MIPEP: variants seen among roughly 807,000 people sequenced by gnomAD.
MIPEP encodes the protein mitochondrial intermediate peptidase.
A neutral mutation model predicts 90.3 loss-of-function variants in MIPEP; 79 were observed. The ratio of observed to expected loss-of-function variants is 0.87; its 90% confidence interval spans 0.73 to 1.05. The LOEUF is 1.05. MIPEP is among the 50% of genes least tolerant of loss of function. The pLI is 0.00. For synonymous variants in MIPEP, 334 were observed against 315.8 expected, an observed-to-expected ratio of 1.06 and a Z score of -0.61; for missense variants, 940 against 905.6, an observed-to-expected ratio of 1.04 and a Z score of -0.49.
intron 14 of MIPEP, among the ~76,000 whole-genome samples, chr13:23,831,807 G>A (rs1270632785): frequency 6.6e-6 from 1 of 152,148 alleles, no homozygotes; most frequent in East Asian, 1.9e-4. Flanking sequence ...ATAAGTTTTG[G>A]TGGAGCAAAC....
rs1300419963 is a variant in MIPEP, at chr13:23,808,343, C to T, written c.1728+1507G>A. ...CTCGATCTCCTGATCTCGTGATCCG[C>T]CCGCCTCGGCCTCCCAACGTGCTGG... On this transcript the variant is annotated intron_variant, in intron 15 of 18. Transcript: ENST00000382172. 2.6e-5 allele frequency among the ~76,000 whole-genome samples: 4 copies of T among 152,248 alleles called. 1 individual carries two copies. In the East Asian group the frequency reaches 5.8e-4, roughly 22 times the overall value.
At chr13:23,791,034 A>G (rs768405407) in intron 16 of MIPEP, among the ~76,000 whole-genome samples, 2 of 152,024 alleles carry the variant, frequency 1.3e-5, no homozygotes, top group Admixed American at 6.6e-5. Context: ...CTAACTCTCT[A>G]GTACCCTATC....
chr13:23,823,712 T>A (rs12867095), intron 14 of MIPEP, among the ~76,000 whole-genome samples: 28,946 of 151,986 alleles, frequency 0.19, 3,197 homozygotes, highest in Non-Finnish European at 0.25. Flanking sequence ...CCTGTAGTCC[T>A]AGCTACTTGG....
intron 18 of MIPEP, among the ~76,000 whole-genome samples, chr13:23,740,580 T>C (rs371554133): frequency 5.0e-4 from 76 of 152,334 alleles, no homozygotes; most frequent in African/African-American, 1.7e-3. Context: ...ATCTTTTTGT[T>C]TGATCAAAGA....
chr13:23,757,117 A>G (rs1952497493), intron 17 of MIPEP, among the ~76,000 whole-genome samples: 1 of 152,114 alleles, frequency 6.6e-6, no homozygotes. Context: ...GGGAGCCCTG[A>G]GCTTGTTTTT....
At chr13:23,751,090 G>A (rs772769591) in intron 18 of MIPEP, among the ~76,000 whole-genome samples, 18 of 152,212 alleles carry the variant, frequency 1.2e-4, no homozygotes, top group Non-Finnish European at 2.2e-4. Context: ...GATGTGCTCC[G>A]TGCTGCTGGA....
intron 18 of MIPEP, among the ~76,000 whole-genome samples, chr13:23,755,615 T>A (rs1460314120): frequency 2.0e-5 from 3 of 152,240 alleles, no homozygotes; most frequent in Non-Finnish European, 4.4e-5. Flanking sequence ...ATTGCAATTA[T>A]CTAGTAACAT....
intron 16 of MIPEP, among the ~76,000 whole-genome samples, chr13:23,805,734 G>A (rs1953099974): frequency 6.6e-6 from 1 of 151,970 alleles, no homozygotes. Context: ...TTTCCAAAAA[G>A]GTACAAAAAC....
intron 18 of MIPEP, among the ~76,000 whole-genome samples, chr13:23,739,510 A>T (rs764475897): frequency 1.3e-5 from 2 of 152,232 alleles, no homozygotes; most frequent in Non-Finnish European, 2.9e-5. Flanking sequence ...ATAGAACCCA[A>T]CCTCAGTCAG....
chr13:23,861,464 T>C (rs1314573136), intron 9 of MIPEP, among the ~76,000 whole-genome samples: 1 of 152,124 alleles, frequency 6.6e-6, no homozygotes, highest in Non-Finnish European at 1.5e-5. Context: ...TTCCATAAAT[T>C]AACAGACTGA....
intron 13 of MIPEP, among the ~76,000 whole-genome samples, 187 bp downstream of exon 13, chr13:23,837,365 C>A (rs1664066392): frequency 6.6e-6 from 1 of 152,058 alleles, no homozygotes; most frequent in Non-Finnish European, 1.5e-5. Context: ...TGTTAGCAAG[C>A]ATGGAAAAAA....
intron 1 of MIPEP, chr13:23,888,738 C>A: frequency 9.8e-7 from 1 of 1,017,510 alleles, no homozygotes; most frequent in Non-Finnish European, 1.2e-6. Context: ...CGCCTGTGAA[C>A]GCACAGGGAT....
At chr13:23,787,371 G>C (rs1370636588) in intron 16 of MIPEP, among the ~76,000 whole-genome samples, 1 of 150,560 alleles carries the variant, frequency 6.6e-6, no homozygotes, top group Non-Finnish European at 1.5e-5. Context: ...GGTAGGGTGG[G>C]GGGAGAGAGA....
intron 16 of MIPEP, among the ~76,000 whole-genome samples, chr13:23,778,713 C>CAATAAT (rs10687980): frequency 0.51 from 77,012 of 150,812 alleles, 20,820 homozygotes; most frequent in East Asian, 0.76. Context: ...ATTATACTGA[C>CAATAAT]AATAATAATA....
intron 10 of MIPEP, among the ~76,000 whole-genome samples, chr13:23,853,307 G>GT (rs1177180315): frequency 6.6e-6 from 1 of 152,080 alleles, no homozygotes; most frequent in Admixed American, 6.6e-5. Flanking sequence ...TCCATTTGTG[G>GT]TAAGAGCCCT....
chr13:23,888,999 G>T, intron 1 of MIPEP, 133 bp downstream of exon 1: 1 of 832,230 alleles, frequency 1.2e-6, no homozygotes, highest in Non-Finnish European at 1.7e-6. Context: ...CACACAAGAC[G>T]CCACTGTAAA....
intron 2 of MIPEP, 152 bp from the exon 3 acceptor site, chr13:23,881,939 A>C: frequency 1.7e-6 from 1 of 602,672 alleles, no homozygotes; most frequent in South Asian, 2.2e-5. Context: ...GAGTAAAGCA[A>C]AGCAGCTTCT....
At chr13:23,811,963 G>C (rs1018399141) in intron 14 of MIPEP, among the ~76,000 whole-genome samples, 6 of 152,030 alleles carry the variant, frequency 3.9e-5, no homozygotes, top group Non-Finnish European at 8.8e-5. Flanking sequence ...ACTGTTTGTT[G>C]CAACATTTGC....
chr13:23,832,047 T>G (rs994501227), intron 14 of MIPEP, among the ~76,000 whole-genome samples: 1 of 152,130 alleles, frequency 6.6e-6, no homozygotes, highest in Non-Finnish European at 1.5e-5. Flanking sequence ...ATGTTGAAAT[T>G]TAAGCCCCAA....
Sources: gnomAD v4.1 joint callset for allele counts (sites outside exome capture counted in the v4.1 genomes callset) on GRCh38, gnomAD v4.1.1 for gene constraint, MANE v1.5 for transcripts, NCBI Gene and HGNC (gene_info 2026-07-23, HGNC 2026-07-21) for gene names.